DUSP15: variants seen among roughly 807,000 people sequenced by gnomAD.
DUSP15 encodes dual specificity phosphatase 15.
DUSP15 carries 23 observed loss-of-function variants against 26.3 expected under a neutral mutation model. That is an observed-to-expected ratio of 0.87 (90% CI 0.63 to 1.24). The LOEUF (loss-of-function observed/expected upper bound fraction) is 1.24. DUSP15 is among the 50% of genes most tolerant of loss of function. The probability of loss-of-function intolerance (pLI) is 0.00; values close to 1 mark genes in which losing one functional copy is unlikely to be tolerated. For synonymous variants in DUSP15, 143 were observed against 135.5 expected (o/e 1.06, Z -0.39); for missense variants, 364 against 320.6 (o/e 1.14, Z -1.03).
chr20:31,845,924 CAG>C (rs2062372271), downstream of DUSP15, among the ~76,000 whole-genome samples: 1 of 151,540 alleles, frequency 6.6e-6, no homozygotes, highest in Admixed American at 6.6e-5. Flanking sequence ...GAAACAGAGA[CAG>C]GGAAAAAAGA....
downstream of DUSP15, among the ~76,000 whole-genome samples, chr20:31,857,872 G>A (rs774435763): frequency 6.6e-6 from 1 of 152,232 alleles, no homozygotes; most frequent in South Asian, 2.1e-4. Flanking sequence ...GATGGGTTTA[G>A]GGGTGGGAGG....
Position 31,870,455 on chromosome 20 carries a change from T to C in DUSP15, c.-118A>G. ...GCAGCCTGGCGGGGAACGGGGGGCC[T>C]GGCGTCCGCGGCCCTGCCCAGCCCT... On this transcript the variant is annotated 5_prime_UTR_variant, in exon 1 of 7. Transcript: ENST00000339738. This position sits in a 1 kb window ranked among gnomAD's most constrained non-coding sequence, Gnocchi z 6.6. 7.8e-7 allele frequency: 1 copy of C among 1,284,190 alleles called. No homozygotes were observed. Among genetic ancestry groups the C allele is most frequent in the Non-Finnish European group, 9.8e-7 (1 of 1,019,962 alleles). 79.5% of individuals were successfully genotyped at this position (1,284,190 alleles called of 1,614,324 possible).
At chr20:31,850,277 G>A (rs2062447417) in intron 7 of DUSP15, among the ~76,000 whole-genome samples, 1 of 152,178 alleles carries the variant, frequency 6.6e-6, no homozygotes. Context: ...TTAGGGTTGT[G>A]GGCTCTGCAG....
At chr20:31,850,761 G>C in intron 6 of DUSP15, 1 of 1,395,600 alleles carries the variant, frequency 7.2e-7, no homozygotes, top group Admixed American at 1.9e-5. Flanking sequence ...AGGAGGCAGG[G>C]CTGGGTGAGG....
downstream of DUSP15, among the ~76,000 whole-genome samples, chr20:31,859,408 G>C (rs1224505276): frequency 6.6e-6 from 1 of 152,164 alleles, no homozygotes; most frequent in Non-Finnish European, 1.5e-5. Flanking sequence ...ATGGAACTGA[G>C]GCTCTGAGAG....
chr20:31,865,244 C>T (rs950788246), intron 3 of DUSP15, among the ~76,000 whole-genome samples: 4 of 152,142 alleles, frequency 2.6e-5, no homozygotes, highest in Admixed American at 6.5e-5. Flanking sequence ...GTGGGCATGA[C>T]GTCACCTATC....
chr20:31,857,821 G>C (rs1263258922), downstream of DUSP15, among the ~76,000 whole-genome samples: 2 of 152,166 alleles, frequency 1.3e-5, no homozygotes, highest in African/African-American at 4.8e-5. Flanking sequence ...GAGAAGGGCT[G>C]GTGTTGGGAG....
downstream of DUSP15, among the ~76,000 whole-genome samples, chr20:31,846,281 GACACAGAC>G (rs1328037209): frequency 6.9e-6 from 1 of 144,870 alleles, no homozygotes; most frequent in Non-Finnish European, 1.5e-5. Context: ...GAAACACAGA[GACACAGAC>G]ACAGACACAC....
exon 9 of DUSP15, chr20:31,848,837 T>G: frequency 6.2e-7 from 1 of 1,612,280 alleles, no homozygotes; most frequent in African/African-American, 1.3e-5. Context: ...CTTGGGGTGC[T>G]GTGTGGGGCC....
At chr20:31,866,123 G>A (rs2062759382) in intron 3 of DUSP15, among the ~76,000 whole-genome samples, 1 of 152,120 alleles carries the variant, frequency 6.6e-6, no homozygotes, top group Admixed American at 6.5e-5. Flanking sequence ...GAAAACTGAG[G>A]CCTAGAGAAG....
intron 6 of DUSP15, among the ~76,000 whole-genome samples, chr20:31,850,939 C>A (rs189510788): frequency 2.0e-4 from 31 of 152,290 alleles, no homozygotes; most frequent in Admixed American, 2.0e-3. Flanking sequence ...GGAGAGGAGG[C>A]CTGTGACTCC....
intron 8 of DUSP15, chr20:31,849,481 C>A (rs1232646752): frequency 2.9e-6 from 2 of 690,936 alleles, no homozygotes; most frequent in African/African-American, 3.6e-5. Context: ...CTTTGCCCAC[C>A]GCGTCCTTAT....
At chr20:31,863,299 A>G (rs2062701570) in intron 5 of DUSP15, among the ~76,000 whole-genome samples, 2 of 152,244 alleles carry the variant, frequency 1.3e-5, no homozygotes, top group Non-Finnish European at 2.9e-5. Flanking sequence ...ACCATGAGGC[A>G]TAAGCCTCGT....
At chr20:31,848,297 TGCCGTC>T in exon 10 of DUSP15, 1 of 1,312,780 alleles carries the variant, frequency 7.6e-7, no homozygotes, top group Non-Finnish European at 1.0e-6. Context: ...GATCCACCTC[TGCCGTC>T]CGGCAGACCT....
At chr20:31,870,563 A>G, upstream of DUSP15, 2 of 1,460,520 alleles carry the variant, frequency 1.4e-6, no homozygotes, top group Non-Finnish European at 1.8e-6. The surrounding 1 kb of genome is among the most constrained non-coding windows in gnomAD (Gnocchi z 6.6). Flanking sequence ...CCGCCGCCGC[A>G]GGCTCCTCCT....
At chr20:31,869,839 A>T in intron 1 of DUSP15, 2 of 1,414,412 alleles carry the variant, frequency 1.4e-6, no homozygotes, top group Non-Finnish European at 1.8e-6. Flanking sequence ...CAGCTTGGGT[A>T]TGAGAGGGGA....
In DUSP15 at chr20:31,855,641, A is replaced by G. The variant is rs138514367; in HGVS notation, c.427-4965T>C. On this transcript the variant is annotated intron_variant, in intron 6 of 9. Transcript: ENST00000278979. ...CCCCCAGAATCTCTTGCCTCTGAACAACAATGCTGTTGTTCACGTATATGC... is the reference window on the plus strand; with the variant it reads ...CCCCCAGAATCTCTTGCCTCTGAACGACAATGCTGTTGTTCACGTATATGC... Among the ~76,000 whole-genome samples, 351 of 152,352 alleles carry G rather than the reference A, an allele frequency of 2.3e-3. 2 individuals are homozygous for G. Among genetic ancestry groups the G allele is most frequent in the African/African-American group, 8.2e-3 (340 of 41,580 alleles).
chr20:31,864,000 G>T lies in DUSP15; in HGVS notation c.189-19C>A. 6.2e-7 allele frequency: 1 copy of T among 1,613,126 alleles called. No homozygotes were observed. The highest frequency in any genetic ancestry group is 8.5e-7 in the Non-Finnish European group (1 of 1,179,124). ...CTTTTTGCTAGAGGAGAAAGCAATA[G>T]GGTAGGGAGCACTGCAGGGCAGACC... On this transcript the variant is annotated intron_variant, in intron 4 of 6. Transcript: ENST00000339738.
In DUSP15 at chr20:31,863,905, A is replaced by G; in HGVS notation, c.263+2T>C. On this transcript the variant is annotated splice_donor_variant, in intron 5 of 6. Transcript: ENST00000339738. LOFTEE classifies it high-confidence loss of function. Reference sequence around the variant, plus strand: ...CACCTTATCCCCCTCCGCTTAACTCACCAGTGCACAAGGCAGTTCCCCCCA... The same window carrying G: ...CACCTTATCCCCCTCCGCTTAACTCGCCAGTGCACAAGGCAGTTCCCCCCA... The G allele has an allele frequency of 6.2e-7, 1 of 1,608,344 alleles. No homozygotes were observed. The highest frequency in any genetic ancestry group is 8.5e-7 in the Non-Finnish European group (1 of 1,177,026).
Sources: allele counts gnomAD v4.1 joint callset (sites outside exome capture counted in the v4.1 genomes callset), GRCh38; gene constraint gnomAD v4.1.1; non-coding constraint Gnocchi (gnomAD v3.1); transcripts MANE v1.5; gene names NCBI Gene and HGNC (gene_info 2026-07-23, HGNC 2026-07-21).